GRIA2: variants seen among roughly 807,000 people sequenced by gnomAD.
GRIA2 encodes glutamate receptor 2.
A neutral mutation model predicts 97.3 loss-of-function variants in GRIA2; 14 were observed. That is an observed-to-expected ratio of 0.14 (90% CI 0.10 to 0.23). GRIA2 has a LOEUF of 0.23. Ranked by LOEUF, GRIA2 falls within the 10% of genes least tolerant of loss-of-function variation. The pLI, the probability that GRIA2 is intolerant of heterozygous loss-of-function variation, is 1.00. For synonymous variants in GRIA2, 412 were observed against 387.8 expected, an observed-to-expected ratio of 1.06 and a Z score of -0.73; for missense variants, 558 against 1,069.8, an observed-to-expected ratio of 0.52 and a Z score of 6.67.
At chr4:157,236,225 A>T (rs2126705296) in intron 2 of GRIA2, among the ~76,000 whole-genome samples, 1 of 152,204 alleles carries the variant, frequency 6.6e-6, no homozygotes, top group East Asian at 1.9e-4. Flanking sequence ...TTTGAAGCTT[A>T]AAAATTGTGA....
At chr4:157,303,038 C>T (rs892761903) in intron 2 of GRIA2, among the ~76,000 whole-genome samples, 5 of 152,082 alleles carry the variant, frequency 3.3e-5, no homozygotes, top group Non-Finnish European at 7.4e-5. Context: ...TGGGGACATG[C>T]GTCTGTATTT....
intron 14 of GRIA2, chr4:157,362,268 A>T: frequency 2.5e-6 from 1 of 393,656 alleles, no homozygotes; most frequent in South Asian, 1.9e-5. Context: ...TTGCAGGATA[A>T]CTTCCTGAAG....
intron 2 of GRIA2, among the ~76,000 whole-genome samples, chr4:157,261,654 T>C (rs77819592): frequency 0.028 from 4,328 of 152,234 alleles, 123 homozygotes; most frequent in Middle Eastern, 0.13. Context: ...TTAGCTAAAT[T>C]ATTAAGGATT....
chr4:157,342,176 C>T, intron 12 of GRIA2: 1 of 964,288 alleles, frequency 1.0e-6, no homozygotes, highest in Non-Finnish European at 1.2e-6. Context: ...GGTCTGAAGC[C>T]AATATATGTG....
intron 9 of GRIA2, chr4:157,334,950 A>C (rs1262908402): frequency 6.6e-6 from 1 of 152,142 alleles, no homozygotes. Context: ...TTTTGCCTTT[A>C]TCATGCCATT....
chr4:157,333,175 A>G (rs1735133616), intron 7 of GRIA2, 74 bp from the exon 8 acceptor site: 2 of 962,090 alleles, frequency 2.1e-6, no homozygotes, highest in Admixed American at 2.4e-5. Flanking sequence ...TCATCTGGTT[A>G]AAGTAATCTG....
intron 2 of GRIA2, among the ~76,000 whole-genome samples, chr4:157,255,656 A>C (rs1322291722): frequency 6.6e-6 from 1 of 152,012 alleles, no homozygotes; most frequent in African/African-American, 2.4e-5. Flanking sequence ...GCTTCTACAC[A>C]GCAAAAGAAA....
At chr4:157,221,533 G>A (rs1260445574) in intron 1 of GRIA2, 134 bp from the exon 2 acceptor site, 7 of 891,050 alleles carry the variant, frequency 7.9e-6, no homozygotes, top group African/African-American at 1.7e-5. Context: ...CCCGCTGTCC[G>A]AGTCCGTAGG....
intron 2 of GRIA2, among the ~76,000 whole-genome samples, chr4:157,239,649 ACATCTATATT>A (rs532829073): frequency 8.4e-4 from 128 of 152,062 alleles, no homozygotes; most frequent in African/African-American, 3.0e-3. Context: ...AAGATTCAGA[ACATCTATATT>A]CTACTTTGTA....
At chr4:157,260,986 G>A (rs781093517) in intron 2 of GRIA2, among the ~76,000 whole-genome samples, 1 of 151,838 alleles carries the variant, frequency 6.6e-6, no homozygotes, top group Non-Finnish European at 1.5e-5. Flanking sequence ...ATTCATTGTT[G>A]AGGGCAAAGT....
intron 12 of GRIA2, among the ~76,000 whole-genome samples, chr4:157,354,405 C>T (rs6850942): frequency 0.19 from 28,715 of 151,998 alleles, 4,369 homozygotes; most frequent in African/African-American, 0.43. Context: ...AGACAATGAG[C>T]ATGTTTTTCC....
intron 6 of GRIA2, among the ~76,000 whole-genome samples, chr4:157,325,772 C>T (rs1734777717): frequency 6.6e-6 from 1 of 152,104 alleles, no homozygotes; most frequent in South Asian, 2.1e-4. Context: ...CAGAAAACCC[C>T]ATTAGCACTG....
chr4:157,306,478 T>C (rs939991610), intron 3 of GRIA2, among the ~76,000 whole-genome samples: 1 of 152,154 alleles, frequency 6.6e-6, no homozygotes, highest in African/African-American at 2.4e-5. Flanking sequence ...AGTGCATCTG[T>C]TGAGATAAAA....
chr4:157,292,664 C>A (rs1733157687), intron 2 of GRIA2, among the ~76,000 whole-genome samples: 1 of 152,040 alleles, frequency 6.6e-6, no homozygotes, highest in South Asian at 2.1e-4. Flanking sequence ...AAGAAGTGTA[C>A]AAAATCTAGG....
intron 2 of GRIA2, among the ~76,000 whole-genome samples, chr4:157,248,898 G>A (rs1730900677): frequency 6.6e-6 from 1 of 151,048 alleles, no homozygotes; most frequent in African/African-American, 2.4e-5. Flanking sequence ...AGTGCAGTGG[G>A]ATGATCTTGG....
intron 2 of GRIA2, among the ~76,000 whole-genome samples, chr4:157,252,818 G>T (rs1731075507): frequency 6.6e-6 from 1 of 151,958 alleles, no homozygotes; most frequent in Non-Finnish European, 1.5e-5. Context: ...TGTTAGTGTG[G>T]TTTCAAAGAA....
At chr4:157,303,880 G>T (rs567075483) in intron 3 of GRIA2, 89 bp downstream of exon 3, 248 of 1,343,536 alleles carry the variant, frequency 1.8e-4, no homozygotes, top group Non-Finnish European at 2.4e-4. Context: ...CTACAAAGGT[G>T]TGATAAAGCC....
At chr4:157,268,531 G>A (rs965097595) in intron 2 of GRIA2, among the ~76,000 whole-genome samples, 1 of 151,808 alleles carries the variant, frequency 6.6e-6, no homozygotes, top group South Asian at 2.1e-4. Context: ...TATTGTTGCT[G>A]TTATACCAAG....
intron 12 of GRIA2, 29 bp downstream of exon 12, chr4:157,341,491 T>A: frequency 2.7e-6 from 4 of 1,471,588 alleles, no homozygotes; most frequent in Non-Finnish European, 3.8e-6. Context: ...TAGTTTCTGA[T>A]TTTGTTCCTG....
Sources: allele counts gnomAD v4.1 joint callset (sites outside exome capture counted in the v4.1 genomes callset), GRCh38; gene constraint gnomAD v4.1.1; transcripts MANE v1.5; gene names NCBI Gene and HGNC (gene_info 2026-07-23, HGNC 2026-07-21).